CHODL: variants seen among roughly 807,000 people sequenced by gnomAD.
The protein encoded by CHODL is transmembrane protein MT75.
In CHODL, 29 loss-of-function variants were observed where a neutral mutation model predicts 34.5. The ratio of observed to expected loss-of-function variants is 0.84; its 90% CI spans 0.63 to 1.15. The LOEUF (loss-of-function observed/expected upper bound fraction) is 1.15. Ranked by LOEUF, CHODL falls within the 50% of genes most tolerant of loss-of-function variation. The pLI is 0.00. For missense variants in CHODL, 332 were observed against 332.5 expected (o/e 1.00, Z 0.01); for synonymous variants, 125 against 116.1 (o/e 1.08, Z -0.49).
intron 1 of CHODL, among the ~76,000 whole-genome samples, chr21:17,985,163 T>C (rs546916196): frequency 1.5e-4 from 23 of 152,296 alleles, no homozygotes; most frequent in Admixed American, 1.3e-3. Flanking sequence ...ATATAGATAC[T>C]TCCTGTCCAG....
intron 1 of CHODL, among the ~76,000 whole-genome samples, chr21:17,980,914 C>G (rs573543373): frequency 1.3e-5 from 2 of 152,286 alleles, no homozygotes; most frequent in East Asian, 3.9e-4. Flanking sequence ...TAGGCCAGAA[C>G]TGGGTTTGAA....
intron 2 of CHODL, among the ~76,000 whole-genome samples, chr21:18,073,171 T>C (rs1478901635): frequency 6.6e-6 from 1 of 152,136 alleles, no homozygotes; most frequent in Non-Finnish European, 1.5e-5. Flanking sequence ...TACTCCTACA[T>C]AGGAAAACTT....
At chr21:18,047,502 T>G (rs2064458667) in intron 2 of CHODL, among the ~76,000 whole-genome samples, 1 of 151,966 alleles carries the variant, frequency 6.6e-6, no homozygotes, top group Admixed American at 6.6e-5. Context: ...TATATGCTAA[T>G]TTAATAAGTT....
chr21:17,926,020 A>C (rs1009701707), intron 1 of CHODL, among the ~76,000 whole-genome samples: 1 of 152,232 alleles, frequency 6.6e-6, no homozygotes, highest in Non-Finnish European at 1.5e-5. Flanking sequence ...AATTAGTTCC[A>C]ATAAGCATAA....
chr21:18,017,223 G>T (rs13050305), intron 1 of CHODL, among the ~76,000 whole-genome samples: 23,996 of 152,142 alleles, frequency 0.16, 1,998 homozygotes, highest in South Asian at 0.3. Context: ...GATATGGTTT[G>T]GCTCTGTGTC....
At chr21:18,216,485 T>C (rs1568940977) in intron 2 of CHODL, among the ~76,000 whole-genome samples, 1 of 152,068 alleles carries the variant, frequency 6.6e-6, no homozygotes, top group East Asian at 1.9e-4. Context: ...TCTCTACTTC[T>C]AGGAGATTCA....
chr21:18,084,082 G>T (rs1005967326), intron 2 of CHODL, among the ~76,000 whole-genome samples: 22 of 152,162 alleles, frequency 1.4e-4, no homozygotes, highest in African/African-American at 4.8e-4. Flanking sequence ...TAAATCATGG[G>T]GGTGGACTTT....
rs147280660 is a variant in CHODL, at chr21:18,136,719, CATATATATATATATAT to C, written c.-45+108767_-45+108782del. Among the ~76,000 whole-genome samples, 487 of 118,746 alleles carry C rather than the reference CATATATATATATATAT, an allele frequency of 4.1e-3. 1 individual carries two copies. Among genetic ancestry groups the C allele is most frequent in the African/African-American group, 0.013 (462 of 36,718 alleles). 77.9% of individuals were successfully genotyped at this position (118,746 alleles called of 152,430 possible). ...TCTCAATGAAGAAGGTAAATCAAAGCATATATATATATATATATATATATATATATATATGTATACA... is the reference window on the plus strand; with the variant it reads ...TCTCAATGAAGAAGGTAAATCAAAGCATATATATATATATATATGTATACA... On this transcript the variant is annotated intron_variant, in intron 2 of 6. Transcript: ENST00000400127.
chr21:18,193,888 G>T (rs566368666), intron 2 of CHODL, among the ~76,000 whole-genome samples: 2 of 151,878 alleles, frequency 1.3e-5, no homozygotes, highest in East Asian at 1.9e-4. Flanking sequence ...TTTCTTTCTC[G>T]CCCTAGAAAC....
At chr21:17,946,449 A>G (rs2063410289) in intron 1 of CHODL, among the ~76,000 whole-genome samples, 2 of 152,328 alleles carry the variant, frequency 1.3e-5, no homozygotes, top group Admixed American at 1.3e-4. Flanking sequence ...GAGAGGGTTC[A>G]TTGCCAGATC....
At chr21:17,968,081 T>A (rs1333191085) in intron 1 of CHODL, among the ~76,000 whole-genome samples, 1 of 152,234 alleles carries the variant, frequency 6.6e-6, no homozygotes, top group East Asian at 1.9e-4. Flanking sequence ...CTAAATTCCT[T>A]CATCCTTAGG....
intron 1 of CHODL, among the ~76,000 whole-genome samples, chr21:17,932,389 C>T (rs1197605619): frequency 2.0e-5 from 3 of 152,120 alleles, no homozygotes; most frequent in Admixed American, 6.5e-5. Context: ...CTGTGGAAGA[C>T]AGGATGGGTA....
chr21:18,041,605 T>G (rs893319589), intron 2 of CHODL, among the ~76,000 whole-genome samples: 2 of 152,068 alleles, frequency 1.3e-5, no homozygotes, highest in South Asian at 4.1e-4. Flanking sequence ...AATATATGAT[T>G]AAATCATTAA....
At chr21:17,940,810 C>G (rs191304920) in intron 1 of CHODL, among the ~76,000 whole-genome samples, 5 of 152,164 alleles carry the variant, frequency 3.3e-5, no homozygotes, top group African/African-American at 1.2e-4. Flanking sequence ...TATTAATAGA[C>G]GCTCTTCATC....
In CHODL at chr21:18,262,853, G is replaced by A. The variant is rs778799224; in HGVS notation, c.697G>A (p.Val233Ile). ...AATACCCCTGCTCTTACTGATACTG[G>A]TTGCTTTTGGAACCTGTTGTTTCCA... ...PTIPLLLLIL[V>I]AFGTCCFQML... The change falls in exon 5 of 6, where the codon GTT becomes ATT. Residue 233 changes from valine to isoleucine, a missense_variant. Transcript: ENST00000299295. 2 of 1,610,952 alleles carry A rather than the reference G, an allele frequency of 1.2e-6. No homozygotes were observed. The highest frequency in any genetic ancestry group is 1.7e-6 in the Non-Finnish European group (2 of 1,177,680).
At chr21:18,218,269 G>C (rs141978384) in intron 2 of CHODL, among the ~76,000 whole-genome samples, 2 of 152,314 alleles carry the variant, frequency 1.3e-5, no homozygotes, top group African/African-American at 4.8e-5. Context: ...CTGAAATCTA[G>C]GCAGAAGTTC....
chr21:17,922,819 T>G lies in CHODL; in HGVS notation c.-145+5419T>G, dbSNP rs146020053. Among the ~76,000 whole-genome samples, 1,217 of 152,214 alleles carry G rather than the reference T, an allele frequency of 8.0e-3. 19 individuals are homozygous for G. Among genetic ancestry groups the G allele is most frequent in the African/African-American group, 0.027 (1,127 of 41,532 alleles). On this transcript the variant is annotated intron_variant, in intron 1 of 6. Coordinates refer to the CHODL transcript ENST00000400127. ...AATTTAGAGAGTTTATTTTGCCAAG[T>G]TTGAGGACATGCAGCCGTGACAGCC...
chr21:17,940,827 A>G (rs888043309), intron 1 of CHODL, among the ~76,000 whole-genome samples: 2 of 152,202 alleles, frequency 1.3e-5, no homozygotes, highest in South Asian at 4.1e-4. Context: ...CATCCCCTCT[A>G]TGAGCACACT....
intron 2 of CHODL, among the ~76,000 whole-genome samples, chr21:18,076,634 T>C (rs1055143116): frequency 3.3e-5 from 5 of 152,162 alleles, no homozygotes; most frequent in Admixed American, 1.3e-4. Context: ...AAGGATGTGG[T>C]CAAGATTAAC....
Sources: allele counts gnomAD v4.1 joint callset (sites outside exome capture counted in the v4.1 genomes callset), GRCh38; gene constraint gnomAD v4.1.1; transcripts MANE v1.5; gene names NCBI Gene and HGNC (gene_info 2026-07-23, HGNC 2026-07-21).